The following SNX24 variants were observed in gnomAD, a reference collection of about 807,000 sequenced individuals.
SNX24 encodes the protein sorting nexin-24.
SNX24 carries 22 observed loss-of-function variants against 28.7 expected under a neutral mutation model. That is an observed-to-expected ratio of 0.77 (90% CI 0.55 to 1.10). The LOEUF (loss-of-function observed/expected upper bound fraction) is 1.10. Among genes scored for constraint, SNX24 ranks in the 50% least tolerant of loss-of-function variants. The pLI, the probability that SNX24 is intolerant of heterozygous loss-of-function variation, is 0.00. For missense variants in SNX24, 221 were observed against 201.1 expected, an observed-to-expected ratio of 1.10 and a Z score of -0.60; for synonymous variants, 69 against 71.5, an observed-to-expected ratio of 0.96 and a Z score of 0.18.
intron 1 of SNX24, among the ~76,000 whole-genome samples, chr5:122,855,572 G>A (rs990517481): frequency 4.6e-5 from 7 of 152,278 alleles, no homozygotes; most frequent in African/African-American, 1.2e-4. Flanking sequence ...CTTGAGTCCA[G>A]GAGTTTGAGA....
chr5:122,966,237 T>C (rs187220143), intron 3 of SNX24, among the ~76,000 whole-genome samples: 1 of 152,372 alleles, frequency 6.6e-6, no homozygotes, highest in Admixed American at 6.5e-5. Context: ...AACACAAGAA[T>C]GTCTAGACTA....
intron 1 of SNX24, among the ~76,000 whole-genome samples, chr5:122,908,978 A>T (rs1443512812): frequency 1.3e-5 from 2 of 152,166 alleles, no homozygotes; most frequent in African/African-American, 2.4e-5. Flanking sequence ...TTGCTCTAAG[A>T]AAGGTTGTGA....
In SNX24 at chr5:122,999,269, T is replaced by C. The variant is rs138678825; in HGVS notation, c.250-643T>C. ...AACTCTATAGATTTTTTTTTCAGCATGTACACTGATTTACACTTAGCAGTA... is the reference window on the plus strand; with the variant it reads ...AACTCTATAGATTTTTTTTTCAGCACGTACACTGATTTACACTTAGCAGTA... On this transcript the variant is annotated intron_variant, in intron 3 of 6. Coordinates refer to ENST00000261369, the MANE Select transcript of SNX24 (RefSeq NM_014035.4). Among the ~76,000 whole-genome samples, 249 of 152,292 alleles carry C rather than the reference T, an allele frequency of 1.6e-3. 1 individual carries two copies. The highest frequency in any genetic ancestry group is 5.7e-3 in the African/African-American group (237 of 41,560).
At chr5:122,869,140 G>A (rs954411204) in intron 1 of SNX24, among the ~76,000 whole-genome samples, 3 of 152,066 alleles carry the variant, frequency 2.0e-5, no homozygotes, top group East Asian at 1.9e-4. Context: ...GTTTATTATC[G>A]GTGAACAATT....
At chr5:122,868,626 A>G (rs1314874654) in intron 1 of SNX24, among the ~76,000 whole-genome samples, 1 of 152,186 alleles carries the variant, frequency 6.6e-6, no homozygotes, top group African/African-American at 2.4e-5. Context: ...GCTTGGACCT[A>G]TTGCAGAGCC....
chr5:122,931,585 A>C (rs1385563550), intron 1 of SNX24, among the ~76,000 whole-genome samples: 1 of 152,104 alleles, frequency 6.6e-6, no homozygotes, highest in African/African-American at 2.4e-5. Flanking sequence ...TCTTGTTCTA[A>C]TGAACAAGTA....
chr5:122,923,595 A>G (rs1758541323), intron 1 of SNX24, among the ~76,000 whole-genome samples: 1 of 152,200 alleles, frequency 6.6e-6, no homozygotes, highest in South Asian at 2.1e-4. Flanking sequence ...TTTCACGGAC[A>G]CAGAGGTTGT....
intron 3 of SNX24, among the ~76,000 whole-genome samples, chr5:122,954,863 TC>T (rs1404058943): frequency 1.3e-5 from 2 of 152,198 alleles, no homozygotes; most frequent in Non-Finnish European, 2.9e-5. Context: ...TTTAAGTTTT[TC>T]CCCTTTTGAA....
At chr5:122,968,500 G>A (rs1760811313) in intron 3 of SNX24, among the ~76,000 whole-genome samples, 1 of 152,162 alleles carries the variant, frequency 6.6e-6, no homozygotes, top group African/African-American at 2.4e-5. Flanking sequence ...ATCAAGAAGG[G>A]CAATTTCCTG....
At chr5:122,976,866 G>T (rs189190975) in intron 3 of SNX24, among the ~76,000 whole-genome samples, 2 of 152,202 alleles carry the variant, frequency 1.3e-5, no homozygotes, top group Non-Finnish European at 2.9e-5. Context: ...GTGAGAGCAT[G>T]GCAGCGGTTT....
At chr5:123,025,637 T>C (rs777492036) in intron 5 of SNX24, 43 of 787,044 alleles carry the variant, frequency 5.5e-5, no homozygotes, top group Non-Finnish European at 8.1e-5. Flanking sequence ...TAAAATGCCA[T>C]ACCATATATA....
At chr5:122,883,360 A>ATTATTAATAGCATTTTCTGTAT (rs2150062958) in intron 1 of SNX24, among the ~76,000 whole-genome samples, 1 of 152,220 alleles carries the variant, frequency 6.6e-6, no homozygotes, top group East Asian at 1.9e-4. Flanking sequence ...TGTTTATACA[A>ATTATTAATAGCATTTTCTGTAT]TTATTAATAG....
chr5:122,988,042 T>C (rs184642380), intron 3 of SNX24, among the ~76,000 whole-genome samples: 11 of 152,296 alleles, frequency 7.2e-5, no homozygotes, highest in Admixed American at 2.6e-4. Context: ...GCCTGTCAGG[T>C]GTTCCCAGGT....
chr5:122,889,651 G>GTATATATATGTGTA (rs1167232685), intron 1 of SNX24, among the ~76,000 whole-genome samples: 3 of 141,026 alleles, frequency 2.1e-5, no homozygotes, highest in Middle Eastern at 3.8e-3. Context: ...ACATACATAT[G>GTATATATATGTGTA]TATATATATG....
intron 1 of SNX24, among the ~76,000 whole-genome samples, chr5:122,915,554 A>G (rs1261251700): frequency 6.6e-6 from 1 of 152,132 alleles, no homozygotes; most frequent in Non-Finnish European, 1.5e-5. Flanking sequence ...TGAGCTCAGG[A>G]GTTGGAGGCT....
At chr5:123,025,827 A>C in intron 5 of SNX24, 1 of 1,614,084 alleles carries the variant, frequency 6.2e-7, no homozygotes, top group African/African-American at 1.3e-5. Context: ...TTTGCCGTCC[A>C]ACCAGGTGGG....
intron 1 of SNX24, among the ~76,000 whole-genome samples, chr5:122,916,715 G>C (rs1477337019): frequency 1.3e-5 from 2 of 152,174 alleles, no homozygotes; most frequent in African/African-American, 2.4e-5. Flanking sequence ...TGTGTTGTCT[G>C]TTTTCCCAAA....
At chr5:122,970,215 C>A (rs1315522907) in intron 3 of SNX24, among the ~76,000 whole-genome samples, 1 of 149,420 alleles carries the variant, frequency 6.7e-6, no homozygotes, top group Non-Finnish European at 1.5e-5. Flanking sequence ...GCCTACCTAC[C>A]AAACTACCTA....
At chr5:122,926,113 G>A (rs1758684015) in intron 1 of SNX24, among the ~76,000 whole-genome samples, 1 of 152,166 alleles carries the variant, frequency 6.6e-6, no homozygotes, top group African/African-American at 2.4e-5. Flanking sequence ...GCTAGTTGCT[G>A]TTTTAGATGG....
Sources: allele counts gnomAD v4.1 joint callset (sites outside exome capture counted in the v4.1 genomes callset), GRCh38; gene constraint gnomAD v4.1.1; transcripts MANE v1.5; gene names NCBI Gene and HGNC (gene_info 2026-07-23, HGNC 2026-07-21).